GOLM1: variants seen among roughly 807,000 people sequenced by gnomAD.
The protein encoded by GOLM1 is epididymis luminal protein 46.
Under a neutral mutation model 50.5 loss-of-function variants are expected in GOLM1, and 31 were observed. That is an observed-to-expected ratio of 0.61 (90% CI 0.46 to 0.83). The LOEUF (loss-of-function observed/expected upper bound fraction) is 0.83. Among genes scored for constraint, GOLM1 ranks in the 40% least tolerant of loss-of-function variants. The pLI is 0.00. For missense variants in GOLM1, 491 were observed against 501.3 expected (o/e 0.98, Z 0.20); for synonymous variants, 178 against 192.8 (o/e 0.92, Z 0.64).
At chr9:86,080,626 T>C (rs1445786375) in intron 1 of GOLM1, among the ~76,000 whole-genome samples, 1 of 152,154 alleles carries the variant, frequency 6.6e-6, no homozygotes, top group African/African-American at 2.4e-5. Context: ...GCTTCTTTTT[T>C]CTTAACAGCT....
At chr9:86,073,885 T>G (rs1443314772) in intron 3 of GOLM1, among the ~76,000 whole-genome samples, 2 of 152,242 alleles carry the variant, frequency 1.3e-5, no homozygotes, top group East Asian at 3.8e-4. Flanking sequence ...TAAACATTTC[T>G]GCCATCATAG....
At chr9:86,049,953 A>G (rs545144442) in intron 4 of GOLM1, among the ~76,000 whole-genome samples, 3 of 152,318 alleles carry the variant, frequency 2.0e-5, no homozygotes, top group African/African-American at 7.2e-5. Flanking sequence ...CCTGTTTTCA[A>G]AGGGAATGCT....
intron 3 of GOLM1, among the ~76,000 whole-genome samples, chr9:86,074,498 C>CT (rs1160170014): frequency 1.3e-5 from 2 of 152,220 alleles, no homozygotes; most frequent in Admixed American, 1.3e-4. Flanking sequence ...CTCTATCCCC[C>CT]TTCCCCTCCA....
In GOLM1 at chr9:86,090,157, C is replaced by A. The variant is rs549110291; in HGVS notation, c.-22+9254G>T. Among the ~76,000 whole-genome samples the A allele has an allele frequency of 2.0e-5, 3 of 152,272 alleles. No homozygotes were observed. The East Asian group carries it at 5.8e-4, about 29-fold the overall frequency. On this transcript the variant is annotated intron_variant, in intron 1 of 9. Transcript: ENST00000388712. ...GGCACCCACTAGATGCCAGCCGGAG[C>A]TCTCCTGTATGAGGTGAGCTGTCAA...
At chr9:86,067,982 G>A (rs1245907317) in intron 3 of GOLM1, among the ~76,000 whole-genome samples, 3 of 151,966 alleles carry the variant, frequency 2.0e-5, no homozygotes, top group African/African-American at 4.8e-5. Context: ...CTCCAGCCTG[G>A]GGCGACAGAG....
chr9:86,037,293 T>C (rs897613558), intron 6 of GOLM1, among the ~76,000 whole-genome samples: 1 of 152,002 alleles, frequency 6.6e-6, no homozygotes, highest in Non-Finnish European at 1.5e-5. Context: ...CAGGCACCTG[T>C]GATTCCAGCT....
At chr9:86,074,198 T>A (rs1364468760) in intron 3 of GOLM1, among the ~76,000 whole-genome samples, 1 of 150,132 alleles carries the variant, frequency 6.7e-6, no homozygotes, top group Non-Finnish European at 1.5e-5. Context: ...AGGAGACTTG[T>A]TCCAGTTCTA....
chr9:86,057,647 C>T (rs941054492), intron 3 of GOLM1, among the ~76,000 whole-genome samples: 41 of 149,112 alleles, frequency 2.7e-4, no homozygotes, highest in Admixed American at 7.3e-4. Context: ...TCTGCACACC[C>T]GTGTTCAGGG....
intron 1 of GOLM1, among the ~76,000 whole-genome samples, chr9:86,091,070 C>A (rs1835170299): frequency 6.6e-6 from 1 of 152,164 alleles, no homozygotes; most frequent in Non-Finnish European, 1.5e-5. Flanking sequence ...CTTCTGCTCA[C>A]CCTCTGTGGG....
intron 3 of GOLM1, among the ~76,000 whole-genome samples, chr9:86,061,945 G>A (rs1357328340): frequency 6.6e-6 from 1 of 152,208 alleles, no homozygotes; most frequent in Non-Finnish European, 1.5e-5. Flanking sequence ...GTCTGGACCT[G>A]CAGCTATGGG....
At chr9:86,028,431 C>T (rs1014234491) in intron 9 of GOLM1, among the ~76,000 whole-genome samples, 1 of 152,208 alleles carries the variant, frequency 6.6e-6, no homozygotes, top group African/African-American at 2.4e-5. Context: ...GGAAGACTAC[C>T]TTCCCATGCT....
chr9:86,060,422 C>T (rs572817802), intron 3 of GOLM1, among the ~76,000 whole-genome samples: 5 of 152,102 alleles, frequency 3.3e-5, no homozygotes, highest in South Asian at 2.1e-4. Context: ...AACAACAAGA[C>T]AAGCAGTGAC....
intron 3 of GOLM1, among the ~76,000 whole-genome samples, chr9:86,075,123 G>A (rs1266717705): frequency 1.3e-5 from 2 of 152,170 alleles, no homozygotes; most frequent in African/African-American, 4.8e-5. Flanking sequence ...CAAGAAGAAG[G>A]CATCCATGAA....
chr9:86,064,662 A>T (rs1343311104), intron 3 of GOLM1, among the ~76,000 whole-genome samples: 2 of 152,134 alleles, frequency 1.3e-5, no homozygotes, highest in African/African-American at 4.8e-5. Context: ...CTTGAACTCA[A>T]GTCCAAACTC....
At chr9:86,038,517 A>G (rs1833226634) in intron 6 of GOLM1, among the ~76,000 whole-genome samples, 2 of 152,182 alleles carry the variant, frequency 1.3e-5, no homozygotes, top group Admixed American at 1.3e-4. Context: ...ACTCCAGCCC[A>G]TTCCAGCCAC....
intron 3 of GOLM1, among the ~76,000 whole-genome samples, chr9:86,060,900 AAAAAAAAAAAAAAAGAAG>A (rs1834140276): frequency 1.0e-5 from 1 of 98,954 alleles, no homozygotes; most frequent in Non-Finnish European, 1.8e-5. Context: ...AAAAAAAAAA[AAAAAAAAAAAAAAAGAAG>A]AAGAAGAAGA....
intron 1 of GOLM1, among the ~76,000 whole-genome samples, chr9:86,095,385 C>T (rs894981726): frequency 3.3e-5 from 5 of 151,038 alleles, no homozygotes; most frequent in East Asian, 4.0e-4. Context: ...CATGCCACCA[C>T]GCCCAGCTAA....
At chr9:86,056,470 T>C (rs1833989677) in intron 3 of GOLM1, among the ~76,000 whole-genome samples, 1 of 151,224 alleles carries the variant, frequency 6.6e-6, no homozygotes, top group Non-Finnish European at 1.5e-5. Context: ...AACCCTGAGT[T>C]CGACAAAATG....
At chr9:86,099,791 C>CCTTCCGACGCGG (rs1835480851), upstream of GOLM1, among the ~76,000 whole-genome samples, 1 of 152,110 alleles carries the variant, frequency 6.6e-6, no homozygotes, top group Non-Finnish European at 1.5e-5. Context: ...CCCCATCGCC[C>CCTTCCGACGCGG]CTTCCGACGC....
Sources: gnomAD v4.1 joint callset for allele counts (sites outside exome capture counted in the v4.1 genomes callset) on GRCh38, gnomAD v4.1.1 for gene constraint, MANE v1.5 for transcripts, NCBI Gene and HGNC (gene_info 2026-07-23, HGNC 2026-07-21) for gene names.